The following DNAH3 variants were observed in gnomAD, a reference collection of about 807,000 sequenced individuals.
DNAH3 encodes axonemal beta dynein heavy chain 3.
In DNAH3, 332 loss-of-function variants were observed where a neutral mutation model predicts 432.5. The observed-to-expected ratio is 0.77, with a 90% CI of 0.70 to 0.84. The LOEUF (loss-of-function observed/expected upper bound fraction) is 0.84. Among genes scored for constraint, DNAH3 ranks in the 40% least tolerant of loss-of-function variants. DNAH3 has a pLI of 0.00. For synonymous variants in DNAH3, 1,956 were observed against 1,900.2 expected (o/e 1.03, Z -0.76); for missense variants, 4,861 against 5,114.0 (o/e 0.95, Z 1.51).
chr16:21,024,029 T>A (rs895874494), intron 39 of DNAH3, among the ~76,000 whole-genome samples: 6 of 152,086 alleles, frequency 3.9e-5, no homozygotes, highest in Non-Finnish European at 8.8e-5. Flanking sequence ...ACACCGCTAC[T>A]CCCTTCCTGC....
intron 14 of DNAH3, among the ~76,000 whole-genome samples, chr16:21,109,748 T>C (rs1450350630): frequency 6.7e-6 from 1 of 149,916 alleles, no homozygotes; most frequent in Admixed American, 6.7e-5. Context: ...TTTTTTTTTC[T>C]TTTTTTTTGA....
rs774424735 is a variant in DNAH3, at chr16:20,936,812, C to T, written c.11696G>A (p.Arg3899Gln). The T allele has an allele frequency of 1.4e-5, 22 of 1,613,292 alleles. No homozygotes were observed. Among genetic ancestry groups the T allele is most frequent in the Middle Eastern group, 1.7e-4 (1 of 5,926 alleles). Residue 3899 changes from arginine (R) to glutamine (Q), a missense_variant, in exon 60 of 62, where the codon CGA becomes CAA. Arg to Gln is a conservative substitution (Grantham distance 43). Coordinates refer to ENST00000261383, the Ensembl canonical transcript of DNAH3. Reference sequence around the variant, plus strand: ...CATCAGGACCTGTCCTTTGATGGCTCGGCCAAGATTGATGAGGCTCCTCCG... The same window carrying T: ...CATCAGGACCTGTCCTTTGATGGCTTGGCCAAGATTGATGAGGCTCCTCCG...
chr16:20,944,547 C>A, exon 58 of DNAH3: 1 of 1,614,130 alleles, frequency 6.2e-7, no homozygotes, highest in East Asian at 2.2e-5. Context: ...TCAGCAGGAC[C>A]CCCTCAAACA....
chr16:21,120,105 C>CT (rs35011784), intron 11 of DNAH3, among the ~76,000 whole-genome samples: 62,887 of 128,416 alleles, frequency 0.49, 16,433 homozygotes, highest in East Asian at 0.69. Context: ...TCCCTACCAA[C>CT]TTTTTTTTTT....
At chr16:21,011,186 G>A (rs1462632379) in intron 41 of DNAH3, among the ~76,000 whole-genome samples, 1 of 152,146 alleles carries the variant, frequency 6.6e-6, no homozygotes, top group Non-Finnish European at 1.5e-5. Flanking sequence ...TGAAAGTGAG[G>A]TCAAGGGCAA....
chr16:21,149,091 C>T (rs1231523851), intron 1 of DNAH3, among the ~76,000 whole-genome samples: 2 of 151,962 alleles, frequency 1.3e-5, no homozygotes, highest in Non-Finnish European at 2.9e-5. Flanking sequence ...ATTAGCCAGG[C>T]GGTGGCGCAC....
exon 43 of DNAH3, chr16:21,000,457 T>A (rs766866212): frequency 6.2e-7 from 1 of 1,613,832 alleles, no homozygotes; most frequent in South Asian, 1.1e-5. Flanking sequence ...ATGGTCTAAG[T>A]AGGTTTTCAA....
intron 43 of DNAH3, among the ~76,000 whole-genome samples, chr16:20,998,081 G>A (rs2086843043): frequency 6.6e-6 from 1 of 152,040 alleles, no homozygotes; most frequent in Admixed American, 6.6e-5. Flanking sequence ...TTTCTGTCAA[G>A]CAAAATAGAT....
chr16:21,086,721 T>C, intron 19 of DNAH3, 128 bp downstream of exon 19: 1 of 805,988 alleles, frequency 1.2e-6, no homozygotes, highest in Admixed American at 2.1e-5. Flanking sequence ...TGCTATCCCT[T>C]TGCCCTTAAA....
intron 44 of DNAH3, among the ~76,000 whole-genome samples, chr16:20,988,342 G>C (rs190473725): frequency 2.0e-5 from 3 of 152,314 alleles, no homozygotes; most frequent in Admixed American, 1.3e-4. Flanking sequence ...TACAGATATA[G>C]AGCATCTCCA....
intron 21 of DNAH3, 96 bp downstream of exon 21, chr16:21,075,351 G>C (rs2090935914): frequency 1.1e-6 from 1 of 877,766 alleles, no homozygotes; most frequent in African/African-American, 1.6e-5. Flanking sequence ...ATTTCTCTGT[G>C]AGTTCTGTTG....
chr16:21,104,871 C>T (rs893451970), intron 15 of DNAH3, among the ~76,000 whole-genome samples: 1 of 152,188 alleles, frequency 6.6e-6, no homozygotes, highest in Non-Finnish European at 1.5e-5. Flanking sequence ...GAATTCAAAT[C>T]CAGGTCTAAT....
chr16:21,104,680 G>T, intron 15 of DNAH3, 86 bp from the exon 16 acceptor site: 1 of 748,636 alleles, frequency 1.3e-6, no homozygotes, highest in Non-Finnish European at 2.3e-6. Context: ...AGAACAAGAG[G>T]TCAACAGGAG....
chr16:20,964,108 G>A (rs1294474607), exon 53 of DNAH3: 1 of 1,614,170 alleles, frequency 6.2e-7, no homozygotes. Flanking sequence ...AACTTTGATG[G>A]CGGTTTCATC....
chr16:21,050,898 T>C (rs910218551), intron 29 of DNAH3, among the ~76,000 whole-genome samples: 3 of 152,238 alleles, frequency 2.0e-5, no homozygotes, highest in Non-Finnish European at 4.4e-5. Context: ...TGAGTTTCTA[T>C]GTTTTCATTT....
intron 41 of DNAH3, among the ~76,000 whole-genome samples, chr16:21,005,505 A>C (rs979774622): frequency 1.3e-5 from 2 of 152,018 alleles, no homozygotes; most frequent in Admixed American, 6.6e-5. Flanking sequence ...CAGCCCCCTA[A>C]GTAGCTGGGA....
chr16:21,020,005 C>G (rs1401976563), intron 40 of DNAH3, 136 bp from the exon 41 acceptor site: 3 of 933,688 alleles, frequency 3.2e-6, no homozygotes, highest in African/African-American at 1.7e-5. Context: ...TATCACCTAC[C>G]AGATCATTTC....
intron 51 of DNAH3, among the ~76,000 whole-genome samples, chr16:20,974,221 C>T (rs991346833): frequency 5.3e-5 from 8 of 151,822 alleles, no homozygotes; most frequent in African/African-American, 1.9e-4. Flanking sequence ...ATGGGGTTTG[C>T]CATGTTGCCC....
intron 23 of DNAH3, among the ~76,000 whole-genome samples, chr16:21,067,774 A>AGGGAGGGAGAGG (rs1567732582): frequency 2.5e-5 from 1 of 39,946 alleles, no homozygotes; most frequent in Non-Finnish European, 4.6e-5. Context: ...GGGGGTGGGG[A>AGGGAGGGAGAGG]GGGAGAGAGA....
Sources: gnomAD v4.1 joint callset for allele counts (sites outside exome capture counted in the v4.1 genomes callset) on GRCh38, gnomAD v4.1.1 for gene constraint, MANE v1.5 for transcripts, NCBI Gene and HGNC (gene_info 2026-07-23, HGNC 2026-07-21) for gene names.